GALNT10: variants seen among roughly 807,000 people sequenced by gnomAD.
GALNT10 encodes polypeptide N-acetylgalactosaminyltransferase 10.
In GALNT10, 41 loss-of-function variants were observed where a neutral mutation model predicts 75.0. The ratio of observed to expected loss-of-function variants is 0.55; its 90% CI spans 0.43 to 0.71. GALNT10 has a LOEUF of 0.71. Ranked by LOEUF, GALNT10 falls within the 30% of genes least tolerant of loss-of-function variation. GALNT10 has a pLI of 0.00. For missense variants in GALNT10, 727 were observed against 818.5 expected (o/e 0.89, Z 1.36); for synonymous variants, 302 against 313.0 (o/e 0.96, Z 0.37).
At chr5:154,368,867 T>G (rs1470574052) in intron 4 of GALNT10, among the ~76,000 whole-genome samples, 2 of 152,216 alleles carry the variant, frequency 1.3e-5, no homozygotes, top group Non-Finnish European at 2.9e-5. Context: ...GGACTAGGGT[T>G]GGAAACTGGT....
chr5:154,250,364 G>A (rs1753496291), intron 1 of GALNT10, among the ~76,000 whole-genome samples: 1 of 152,174 alleles, frequency 6.6e-6, no homozygotes, highest in African/African-American at 2.4e-5. Flanking sequence ...TCAGCTGCAA[G>A]TGATGGAAGA....
intron 3 of GALNT10, among the ~76,000 whole-genome samples, chr5:154,303,768 A>G (rs140180066): frequency 6.1e-4 from 93 of 152,366 alleles, no homozygotes; most frequent in African/African-American, 2.2e-3. Context: ...TAATACTTAC[A>G]TCAATACATA....
At chr5:154,404,709 G>C (rs1286829089) in intron 8 of GALNT10, among the ~76,000 whole-genome samples, 2 of 152,226 alleles carry the variant, frequency 1.3e-5, no homozygotes, top group African/African-American at 4.8e-5. Context: ...AAACATGTTA[G>C]ATAAATATTA....
chr5:154,353,629 C>T (rs1384508876), intron 4 of GALNT10, among the ~76,000 whole-genome samples: 5 of 152,232 alleles, frequency 3.3e-5, no homozygotes, highest in Admixed American at 3.3e-4. Context: ...CCCTGATGAA[C>T]AAGAAGACAT....
chr5:154,420,094 A>C lies in GALNT10; in HGVS notation c.*3122A>C, dbSNP rs1175194986. Reference sequence around the variant, plus strand: ...AAAAGCCATCCCATCTTCTGCCTCCAGTTGGAGCTTTCAGCTGTTAAAACA... The same window carrying C: ...AAAAGCCATCCCATCTTCTGCCTCCCGTTGGAGCTTTCAGCTGTTAAAACA... On this transcript the variant is annotated 3_prime_UTR_variant, in exon 12 of 12. Coordinates refer to ENST00000297107, the MANE Select transcript of GALNT10 (RefSeq NM_198321.4). 6.6e-6 allele frequency: 1 copy of C among 152,242 alleles called. No homozygotes were observed. Among genetic ancestry groups the C allele is most frequent in the Non-Finnish European group, 1.5e-5 (1 of 68,046 alleles). 9.4% of individuals were successfully genotyped at this position (152,242 alleles called of 1,614,324 possible).
chr5:154,285,641 C>T (rs1249516768), intron 1 of GALNT10, among the ~76,000 whole-genome samples: 1 of 152,128 alleles, frequency 6.6e-6, no homozygotes, highest in Non-Finnish European at 1.5e-5. Flanking sequence ...TCTGCCTTCC[C>T]AGCATAAGCT....
intron 3 of GALNT10, among the ~76,000 whole-genome samples, chr5:154,322,883 G>T (rs999883889): frequency 6.6e-6 from 1 of 152,110 alleles, no homozygotes; most frequent in Non-Finnish European, 1.5e-5. Context: ...CTTGGGATAT[G>T]GTATAAAAAG....
chr5:154,377,446 G>A (rs778924550), intron 5 of GALNT10, among the ~76,000 whole-genome samples: 13 of 152,214 alleles, frequency 8.5e-5, no homozygotes, highest in Non-Finnish European at 1.6e-4. Context: ...AAACTTGAGC[G>A]TGCATCAGAA....
intron 1 of GALNT10, among the ~76,000 whole-genome samples, chr5:154,249,396 C>G (rs1431919855): frequency 6.6e-6 from 1 of 152,074 alleles, no homozygotes; most frequent in Non-Finnish European, 1.5e-5. Flanking sequence ...ATGCACACAC[C>G]AATATTAATA....
intron 4 of GALNT10, among the ~76,000 whole-genome samples, chr5:154,355,829 C>T (rs1394341679): frequency 1.3e-5 from 2 of 152,184 alleles, no homozygotes; most frequent in Non-Finnish European, 2.9e-5. Context: ...GAGATGAGGA[C>T]ATTGACGCTC....
At chr5:154,297,678 C>G (rs910777628) in intron 2 of GALNT10, among the ~76,000 whole-genome samples, 3 of 152,166 alleles carry the variant, frequency 2.0e-5, no homozygotes, top group African/African-American at 7.2e-5. Flanking sequence ...CTTTCTCAGT[C>G]TCAGATTATC....
At chr5:154,315,378 G>A (rs1338882102) in intron 3 of GALNT10, among the ~76,000 whole-genome samples, 1 of 152,224 alleles carries the variant, frequency 6.6e-6, no homozygotes, top group African/African-American at 2.4e-5. Context: ...GGCACAGACA[G>A]GCCTCTTAGT....
intron 1 of GALNT10, among the ~76,000 whole-genome samples, chr5:154,249,798 G>T (rs1245425760): frequency 6.6e-6 from 1 of 152,178 alleles, no homozygotes; most frequent in African/African-American, 2.4e-5. Context: ...GAAGCCTATG[G>T]TCTGAGTATT....
chr5:154,268,917 G>C (rs754145761), intron 1 of GALNT10, among the ~76,000 whole-genome samples: 1 of 152,032 alleles, frequency 6.6e-6, no homozygotes, highest in Non-Finnish European at 1.5e-5. Context: ...CGAAAGGATT[G>C]CTTGAGACCA....
intron 1 of GALNT10, among the ~76,000 whole-genome samples, chr5:154,208,299 A>G (rs1200450300): frequency 6.6e-6 from 1 of 152,064 alleles, no homozygotes; most frequent in Non-Finnish European, 1.5e-5. Flanking sequence ...TGGAGTGAGC[A>G]CAGGCCTGAG....
chr5:154,365,056 T>C (rs1356795257), intron 4 of GALNT10, among the ~76,000 whole-genome samples: 2 of 152,204 alleles, frequency 1.3e-5, no homozygotes, highest in Non-Finnish European at 2.9e-5. Flanking sequence ...AGGCATTTAG[T>C]TGAAATTAAA....
Position 154,315,298 on chromosome 5 carries a change from G to A in GALNT10, c.402-14274G>A, listed in dbSNP as rs79841466. ...AATCACGGGCAATAGAGGGAAATGG[G>A]AATGTTTTCTAGGTGGAATGTGAGA... On this transcript the variant is annotated intron_variant, in intron 3 of 11. Coordinates refer to ENST00000297107, the MANE Select transcript of GALNT10 (RefSeq NM_198321.4). Among the ~76,000 whole-genome samples the A allele has an allele frequency of 4.4e-3, 669 of 152,364 alleles. 5 individuals carry two copies. The highest frequency in any genetic ancestry group is 0.015 in the African/African-American group (639 of 41,588).
intron 3 of GALNT10, among the ~76,000 whole-genome samples, chr5:154,300,345 G>A (rs899941239): frequency 1.3e-5 from 2 of 152,122 alleles, no homozygotes; most frequent in African/African-American, 2.4e-5. Context: ...TTCTCTCACC[G>A]CAGCTGCGGT....
rs369597593 is a variant in GALNT10, at chr5:154,416,971, G to A, written c.1811G>A (p.Ter604=). The A allele has an allele frequency of 1.2e-6, 2 of 1,613,986 alleles. No homozygotes were observed. The highest frequency in any genetic ancestry group is 2.7e-5 in the African/African-American group (2 of 74,932). Residue 604 remains the stop codon, a stop_retained_variant, in exon 12 of 12, where the codon TGA becomes TAA. Coordinates refer to ENST00000297107, the MANE Select transcript of GALNT10 (RefSeq NM_198321.4). This position sits in a 1 kb window ranked among gnomAD's most constrained non-coding sequence, Gnocchi z 4.5. ...GTCTTGGAAAAATTCAATAGGAACTGAGCCCTCATGTCCCCTTGGCAGGCC... is the reference window on the plus strand; with the variant it reads ...GTCTTGGAAAAATTCAATAGGAACTAAGCCCTCATGTCCCCTTGGCAGGCC... ...STVLEKFNRN[*]
Sources: gnomAD v4.1 joint callset for allele counts (sites outside exome capture counted in the v4.1 genomes callset) on GRCh38, gnomAD v4.1.1 for gene constraint, Gnocchi (gnomAD v3.1) non-coding constraint, MANE v1.5 for transcripts, NCBI Gene and HGNC (gene_info 2026-07-23, HGNC 2026-07-21) for gene names.